NLRP14: variants seen among roughly 807,000 people sequenced by gnomAD.
The protein encoded by NLRP14 is NACHT, LRR and PYD domains-containing protein 14.
A neutral mutation model predicts 94.7 loss-of-function variants in NLRP14; 105 were observed. The observed-to-expected ratio is 1.11, with a 90% CI of 0.95 to 1.30. The LOEUF is 1.30. NLRP14 is among the 50% of genes most tolerant of loss of function. The pLI, the probability that NLRP14 is intolerant of heterozygous loss-of-function variation, is 0.00. For synonymous variants in NLRP14, 508 were observed against 459.9 expected, an observed-to-expected ratio of 1.10 and a Z score of -1.34; for missense variants, 1,362 against 1,254.1, an observed-to-expected ratio of 1.09 and a Z score of -1.30.
intron 1 of NLRP14, among the ~76,000 whole-genome samples, chr11:7,035,717 G>A (rs1032831888): frequency 1.3e-5 from 2 of 152,142 alleles, no homozygotes; most frequent in African/African-American, 4.8e-5. Flanking sequence ...CTCTCTAGGT[G>A]AGATTCCCTT....
intron 1 of NLRP14, among the ~76,000 whole-genome samples, chr11:7,031,447 G>C (rs940961242): frequency 3.3e-5 from 5 of 152,176 alleles, no homozygotes; most frequent in Non-Finnish European, 5.9e-5. Context: ...TTGAGGGTGC[G>C]AGTCCACGGT....
chr11:7,055,828 A>C (rs1027892526), intron 6 of NLRP14, among the ~76,000 whole-genome samples: 1 of 152,102 alleles, frequency 6.6e-6, no homozygotes, highest in African/African-American at 2.4e-5. Context: ...CAACAAAAAC[A>C]TTTATAACTT....
intron 1 of NLRP14, among the ~76,000 whole-genome samples, chr11:7,036,017 TA>T (rs1032877166): frequency 6.6e-6 from 1 of 152,230 alleles, no homozygotes; most frequent in Non-Finnish European, 1.5e-5. Flanking sequence ...TAAATGTGGA[TA>T]AAATCAAACT....
rs1448246357 is a variant in NLRP14 at position 7,062,450 on chromosome 11, G to T, written c.2922G>T (p.Val974=). ...LGNNDLQDDG[V]KILCDALRYP... is the part of the protein sequence containing the mutation. ...ACAACGATTTGCAGGATGATGGAGT[G>T]AAAATTCTGTGTGATGCTTTGAGAT... Residue 974 remains valine (V), a synonymous_variant, in exon 10 of 12, where the codon GTG becomes GTT. Transcript: ENST00000299481. 1.2e-6 allele frequency: 2 copies of T among 1,613,102 alleles called. No individual in the cohort carries two copies. Among genetic ancestry groups the T allele is most frequent in the East Asian group, 4.5e-5 (2 of 44,854 alleles).
chr11:7,084,038 C>T, the NLRP14 span, among the ~76,000 whole-genome samples: 16 of 152,268 alleles, frequency 1.1e-4, no homozygotes, highest in Admixed American at 7.9e-4. Context: ...TAATGTTGCC[C>T]ATCAAACTGG....
chr11:7,072,833 C>T (rs1048591302), downstream of NLRP14, among the ~76,000 whole-genome samples: 3 of 152,170 alleles, frequency 2.0e-5, no homozygotes, highest in African/African-American at 7.2e-5. Context: ...TCCTTTCCTT[C>T]CTGGTGGCAG....
intron 1 of NLRP14, among the ~76,000 whole-genome samples, chr11:7,027,472 A>T (rs952802016): frequency 6.6e-6 from 1 of 152,058 alleles, no homozygotes; most frequent in African/African-American, 2.4e-5. Context: ...AATTCCATTC[A>T]TGAAGGCTCT....
chr11:7,071,098 A>G (rs563273778), intron 11 of NLRP14, 75 bp from the exon 12 acceptor site: 3 of 1,548,112 alleles, frequency 1.9e-6, no homozygotes, highest in South Asian at 1.1e-5. Context: ...CTCCTGAAAT[A>G]AATCCTTTAC....
the NLRP14 span, chr11:7,090,376 CCAAGGACTAGTA>C: frequency 6.8e-7 from 1 of 1,460,684 alleles, no homozygotes; most frequent in Non-Finnish European, 9.4e-7. Context: ...TGGTAACTAC[CCAAGGACTAGTA>C]CAAGGAAGAG....
At chr11:7,062,273 G>A (rs1196008148) in intron 9 of NLRP14, 60 bp from the exon 10 acceptor site, 1 of 1,446,234 alleles carries the variant, frequency 6.9e-7, no homozygotes, top group Admixed American at 1.7e-5. Flanking sequence ...TATCTCCTAG[G>A]AAGAAACTTA....
chr11:7,073,380 AC>A (rs1852830095), downstream of NLRP14, among the ~76,000 whole-genome samples: 2 of 152,208 alleles, frequency 1.3e-5, no homozygotes, highest in South Asian at 4.1e-4. Flanking sequence ...CTTTGATAAG[AC>A]TGTCAATTCC....
chr11:7,064,801 T>C (rs1276197504), intron 10 of NLRP14, among the ~76,000 whole-genome samples: 1 of 152,128 alleles, frequency 6.6e-6, no homozygotes, highest in Non-Finnish European at 1.5e-5. Flanking sequence ...AAAGTTCAAT[T>C]TTATAATTTT....
chr11:7,089,070 C>T, the NLRP14 span: 2 of 1,579,782 alleles, frequency 1.3e-6, no homozygotes, highest in Non-Finnish European at 1.7e-6. Context: ...CTGCGACTGG[C>T]GCCGCCTCAC....
chr11:7,062,422 G>T lies in NLRP14; in HGVS notation c.2894G>T (p.Gly965Val). ...CCAAACCTGAGGAGCCTGGACCTTGGGAACAACGATTTGCAGGATGATGGA... is the reference window on the plus strand; with the variant it reads ...CCAAACCTGAGGAGCCTGGACCTTGTGAACAACGATTTGCAGGATGATGGA... ...NNPNLRSLDL[G>V]NNDLQDDGVK... Residue 965 changes from glycine (G) to valine (V), a missense_variant, in exon 10 of 12, where the codon GGG becomes GTG. By Grantham distance (109) the Gly-to-Val change is moderately radical. Transcript: ENST00000299481. 6.2e-7 allele frequency: 1 copy of T among 1,613,232 alleles called. No individual in the cohort carries two copies. Among genetic ancestry groups the T allele is most frequent in the Non-Finnish European group, 8.5e-7 (1 of 1,179,436 alleles).
In NLRP14 at chr11:7,042,631, AG is replaced by A. The variant is rs751903410; in HGVS notation, c.608del (p.Gly203AlafsTer22). 2.7e-5 allele frequency: 43 copies of A among 1,614,162 alleles called. No homozygotes were observed. The East Asian group carries it at 8.9e-4, about 33-fold the overall frequency. On this transcript the variant is annotated frameshift_variant, in exon 4 of 12. Coordinates refer to ENST00000299481, the MANE Select transcript of NLRP14 (RefSeq NM_176822.4). LOFTEE classifies it high-confidence loss of function. ...LVRKAMLDWA[E>X]GSLYQQRFKY... is the part of the protein sequence containing the mutation. ...AGAAAGGCAATGTTAGATTGGGCAG[AG>A]GGCAGTCTCTACCAGCAGAGGTTTA...
chr11:7,070,080 C>T (rs1325939075), intron 10 of NLRP14, among the ~76,000 whole-genome samples: 1 of 152,098 alleles, frequency 6.6e-6, no homozygotes, highest in African/African-American at 2.4e-5. Flanking sequence ...ATTTGTAATT[C>T]ATGATTTTGG....
At chr11:7,025,774 A>G (rs1852006514) in intron 1 of NLRP14, among the ~76,000 whole-genome samples, 1 of 151,232 alleles carries the variant, frequency 6.6e-6, no homozygotes, top group Non-Finnish European at 1.5e-5. Context: ...CAATTTATGA[A>G]GAAGTATAAT....
intron 4 of NLRP14, among the ~76,000 whole-genome samples, chr11:7,044,795 T>C (rs886174260): frequency 2.9e-5 from 4 of 138,316 alleles, no homozygotes; most frequent in Admixed American, 2.8e-4. Flanking sequence ...TGCAATTTAA[T>C]GTTGTTGGCA....
At chr11:7,049,928 C>T in intron 6 of NLRP14, 90 bp downstream of exon 6, 1 of 1,098,778 alleles carries the variant, frequency 9.1e-7, no homozygotes, top group Non-Finnish European at 1.4e-6. Flanking sequence ...ATTTGCTATT[C>T]ATAGGACCGG....
Sources: allele counts gnomAD v4.1 joint callset (sites outside exome capture counted in the v4.1 genomes callset), GRCh38; gene constraint gnomAD v4.1.1; transcripts MANE v1.5; gene names NCBI Gene and HGNC (gene_info 2026-07-23, HGNC 2026-07-21).